The following SAFB2 variants were observed in gnomAD, a reference collection of about 807,000 sequenced individuals.
The protein encoded by SAFB2 is scaffold attachment factor B2.
Under a neutral mutation model 100.6 loss-of-function variants are expected in SAFB2, and 32 were observed. That is an observed-to-expected ratio of 0.32 (90% CI 0.24 to 0.43). SAFB2 has a LOEUF of 0.43. Among genes scored for constraint, SAFB2 ranks in the 20% least tolerant of loss-of-function variants. The pLI, the probability that SAFB2 is intolerant of heterozygous loss-of-function variation, is 1.00. For missense variants in SAFB2, 1,185 were observed against 1,163.4 expected (o/e 1.02, Z -0.27); for synonymous variants, 500 against 439.4 (o/e 1.14, Z -1.72).
At chr19:5,620,110 T>C (rs1055293621) in intron 2 of SAFB2, among the ~76,000 whole-genome samples, 5 of 152,192 alleles carry the variant, frequency 3.3e-5, no homozygotes, top group Non-Finnish European at 5.9e-5. Flanking sequence ...CTAGGTGAAA[T>C]ACGGACACTC....
At chr19:5,616,089 T>A (rs1599277570) in intron 4 of SAFB2, 43 bp downstream of exon 4, 1 of 1,590,614 alleles carries the variant, frequency 6.3e-7, no homozygotes, top group Non-Finnish European at 8.6e-7. Flanking sequence ...ACCAGGTGCC[T>A]CGGGGCTATG....
rs2145318040 is a variant in SAFB2 at position 5,592,769 on chromosome 19, A to G, written c.2326T>C (p.Tyr776His). 3.1e-6 allele frequency: 5 copies of G among 1,614,154 alleles called. No homozygotes were observed. Among genetic ancestry groups the G allele is most frequent in the Non-Finnish European group, 3.4e-6 (4 of 1,180,014 alleles). The change falls in exon 16 of 21, where the codon TAC becomes CAC. Residue 776 changes from tyrosine (Y) to histidine (H), a missense_variant. By Grantham distance (83) the Tyr-to-His change is moderately conservative (BLOSUM62 2). Transcript: ENST00000252542. ...GACCTGTCGATGGCGTGGTCCTGGT[A>G]CTGGCCCCGGTCTCGATGATCGAAG... ...HDFDHRDRGQYQDHAIDRREG... is the reference protein window; with the variant it reads ...HDFDHRDRGQHQDHAIDRREG...
At chr19:5,605,850 G>C (rs975687489) in intron 9 of SAFB2, among the ~76,000 whole-genome samples, 1 of 152,220 alleles carries the variant, frequency 6.6e-6, no homozygotes, top group African/African-American at 2.4e-5. Context: ...TGGGGGATGG[G>C]TAAGACAGCA....
rs1205751837 is a variant in SAFB2, at chr19:5,587,083, T to G, written c.*160A>C. ...TAAAAATGGCAGAACAAGAACACAT[T>G]TATTTAAAAAAAAAAAAAAAGTGAG... On this transcript the variant is annotated 3_prime_UTR_variant, in exon 21 of 21. Transcript: ENST00000252542. This position sits in a 1 kb window ranked among gnomAD's most constrained non-coding sequence, Gnocchi z 4.9. The G allele has an allele frequency of 1.1e-6, 1 of 948,038 alleles. No individual in the cohort carries two copies. Among genetic ancestry groups the G allele is most frequent in the Non-Finnish European group, 1.6e-6 (1 of 638,124 alleles). 58.7% of individuals were successfully genotyped at this position (948,038 alleles called of 1,614,324 possible).
At chr19:5,609,763 A>G (rs142526751) in intron 9 of SAFB2, among the ~76,000 whole-genome samples, 2,154 of 152,276 alleles carry the variant, frequency 0.014, 32 homozygotes, top group Non-Finnish European at 0.02. Flanking sequence ...TGAGTCAGGA[A>G]ACAAGGTGCA....
intron 3 of SAFB2, 43 bp from the exon 4 acceptor site, chr19:5,616,378 G>C (rs1416383899): frequency 1.9e-6 from 3 of 1,613,820 alleles, no homozygotes. Context: ...CCTGGACCAG[G>C]ACAGGGAGCT....
rs777169971 is a variant in SAFB2, at chr19:5,610,638, C to T, written c.1195+1G>A. Reference sequence around the variant, plus strand: ...CCCTACCACGTTAAATTAAATCATACCTTTTTCATCTTTAATGATTGGCTT... The same window carrying T: ...CCCTACCACGTTAAATTAAATCATATCTTTTTCATCTTTAATGATTGGCTT... On this transcript the variant is annotated splice_donor_variant, in intron 8 of 20. Coordinates refer to ENST00000252542, the MANE Select transcript of SAFB2 (RefSeq NM_014649.3). LOFTEE classifies it high-confidence loss of function. The T allele has an allele frequency of 6.4e-7, 1 of 1,566,900 alleles. No individual in the cohort carries two copies. Among genetic ancestry groups the T allele is most frequent in the Non-Finnish European group, 8.7e-7 (1 of 1,143,874 alleles).
At chr19:5,613,603 C>T in intron 4 of SAFB2, 76 bp from the exon 5 acceptor site, 1 of 1,568,366 alleles carries the variant, frequency 6.4e-7, no homozygotes, top group Non-Finnish European at 8.7e-7. Flanking sequence ...GCTTAGGCAA[C>T]TTGTGTGTCT....
At chr19:5,597,543 T>C (rs1478040003) in intron 13 of SAFB2, among the ~76,000 whole-genome samples, 1 of 152,158 alleles carries the variant, frequency 6.6e-6, no homozygotes. Context: ...CTCCAGCACA[T>C]CCTCTGTCTG....
At chr19:5,609,614 A>G (rs944368786) in intron 9 of SAFB2, among the ~76,000 whole-genome samples, 10 of 152,294 alleles carry the variant, frequency 6.6e-5, no homozygotes, top group African/African-American at 2.4e-4. Context: ...AGTTTTGCAC[A>G]AGACAAAAGA....
In SAFB2 at chr19:5,621,381, C is replaced by T. The variant is rs1218944130; in HGVS notation, c.202G>A (p.Gly68Arg). The change falls in exon 2 of 21, where the codon GGG (glycine) becomes AGG (arginine). Residue 68 changes from glycine (G) to arginine (R), a missense_variant. Transcript: ENST00000252542. ...ERLKKAVKEE[G>R]QDPDEIGIEL... The stretch of plus-strand genomic sequence containing the variant: ...ATGCCAATTTCATCAGGATCTTGCC[C>T]CTCTTCTTTAACCGCCTATTAGGGA... 6.2e-7 allele frequency: 1 copy of T among 1,612,830 alleles called. No individual in the cohort carries two copies. Among genetic ancestry groups the T allele is most frequent in the Non-Finnish European group, 8.5e-7 (1 of 1,178,846 alleles).
At chr19:5,603,455 C>T (rs1162773742) in intron 11 of SAFB2, among the ~76,000 whole-genome samples, 1 of 152,214 alleles carries the variant, frequency 6.6e-6, no homozygotes, top group East Asian at 1.9e-4. Context: ...TGATCAGATA[C>T]AACACGGAAA....
chr19:5,617,152 A>G (rs2053050782), intron 2 of SAFB2, among the ~76,000 whole-genome samples: 1 of 152,212 alleles, frequency 6.6e-6, no homozygotes, highest in Non-Finnish European at 1.5e-5. Context: ...AAAATGCAAT[A>G]CCCATCTAGT....
At chr19:5,622,246 A>G (rs2053173473) in intron 1 of SAFB2, among the ~76,000 whole-genome samples, 1 of 152,198 alleles carries the variant, frequency 6.6e-6, no homozygotes, top group Non-Finnish European at 1.5e-5. Context: ...CTCGATCGGG[A>G]GCCCCAGGAG....
In SAFB2 at chr19:5,609,992, T is replaced by C. The variant is rs770622104; in HGVS notation, c.1296+3A>G. The C allele has an allele frequency of 8.7e-6, 14 of 1,613,092 alleles. No homozygotes were observed. Among genetic ancestry groups the C allele is most frequent in the African/African-American group, 1.3e-5 (1 of 74,924 alleles). On this transcript the variant is annotated splice_donor_region_variant and intron_variant, in intron 9 of 20. Transcript: ENST00000252542. ...GGATGGTATGAGGCAAGGGAAGGCA[T>C]ACCTTCCCATACTTGCTGAAAAGGT... is the stretch of plus-strand genomic sequence containing the variant.
chr19:5,616,513 G>C (rs766401009), intron 2 of SAFB2, 27 bp from the exon 3 acceptor site: 1 of 1,584,208 alleles, frequency 6.3e-7, no homozygotes. Context: ...TGTTCAATCA[G>C]ATAACACTCA....
At chr19:5,622,272 C>T (rs919111551) in intron 1 of SAFB2, among the ~76,000 whole-genome samples, 1 of 152,238 alleles carries the variant, frequency 6.6e-6, no homozygotes, top group Non-Finnish European at 1.5e-5. Flanking sequence ...CCGGGGCCAC[C>T]CTGGTAGCGG....
At chr19:5,591,602 G>A (rs1406386808) in intron 17 of SAFB2, 146 bp downstream of exon 17, 1 of 685,060 alleles carries the variant, frequency 1.5e-6, no homozygotes, top group Non-Finnish European at 2.5e-6. Context: ...CTAGTCGCTG[G>A]CCAGAACCCA....
intron 12 of SAFB2, 143 bp downstream of exon 12, chr19:5,599,987 G>T: frequency 1.2e-6 from 1 of 835,522 alleles, no homozygotes; most frequent in Non-Finnish European, 1.9e-6. Flanking sequence ...TTCATCAACA[G>T]ACTCTTGTTT....
Sources: gnomAD v4.1 joint callset for allele counts (sites outside exome capture counted in the v4.1 genomes callset) on GRCh38, gnomAD v4.1.1 for gene constraint, Gnocchi (gnomAD v3.1) non-coding constraint, MANE v1.5 for transcripts, NCBI Gene and HGNC (gene_info 2026-07-23, HGNC 2026-07-21) for gene names.